The following CCSER1 variants were observed in gnomAD, a reference collection of about 807,000 sequenced individuals.
CCSER1 encodes serine-rich coiled-coil domain-containing protein 1.
In CCSER1, 41 loss-of-function variants were observed where a neutral mutation model predicts 82.0. That is an observed-to-expected ratio of 0.50 (90% confidence interval 0.39 to 0.65). The LOEUF (loss-of-function observed/expected upper bound fraction) is 0.65, where lower values mean the gene tolerates loss of function less well. Ranked by LOEUF, CCSER1 falls within the 30% of genes least tolerant of loss-of-function variation. CCSER1 has a pLI of 0.00. For missense variants in CCSER1, 1,119 were observed against 1,064.2 expected (o/e 1.05, Z -0.72); for synonymous variants, 414 against 383.9 (o/e 1.08, Z -0.92).
intron 4 of CCSER1, among the ~76,000 whole-genome samples, chr4:90,427,041 A>G (rs1009505877): frequency 6.6e-6 from 1 of 152,118 alleles, no homozygotes; most frequent in Non-Finnish European, 1.5e-5. Context: ...AAAAGTAAAT[A>G]CTTATCAAAG....
intron 5 of CCSER1, 30 bp downstream of exon 5, chr4:90,468,384 T>C (rs1257736723): frequency 1.9e-6 from 3 of 1,582,572 alleles, no homozygotes; most frequent in Non-Finnish European, 2.6e-6. Flanking sequence ...TTTCAAGGCC[T>C]TGTAAAATCA....
chr4:91,321,111 G>A (rs1290741817), intron 10 of CCSER1, among the ~76,000 whole-genome samples: 2 of 151,974 alleles, frequency 1.3e-5, no homozygotes, highest in African/African-American at 2.4e-5. Flanking sequence ...AATTTGATTT[G>A]AGACCCAAAA....
rs533071687 is a variant in CCSER1, at chr4:91,161,598, C to T, written c.2217+75604C>T. ...TTTCGTTGAGCAGTAGTTTGTAGTT[C>T]TCTTTGAAGAGGTCCTTCACATCCC... On this transcript the variant is annotated intron_variant, in intron 10 of 10. Transcript: ENST00000509176. Among the ~76,000 whole-genome samples, 57 of 152,134 alleles carry T rather than the reference C, an allele frequency of 3.7e-4. 1 individual carries two copies. The South Asian group carries it at 6.9e-3, about 18-fold the overall frequency.
intron 3 of CCSER1, among the ~76,000 whole-genome samples, chr4:90,397,301 T>G (rs1282450381): frequency 3.3e-5 from 5 of 152,340 alleles, no homozygotes; most frequent in Non-Finnish European, 7.4e-5. Context: ...AAATTTAGTT[T>G]GTTCACTTTA....
chr4:90,839,661 T>C (rs1041861184), intron 8 of CCSER1, among the ~76,000 whole-genome samples: 9 of 152,184 alleles, frequency 5.9e-5, no homozygotes, highest in African/African-American at 2.2e-4. Flanking sequence ...AAAGAGAGAC[T>C]ATTGGAAAGG....
chr4:91,095,708 T>C (rs1235103715), intron 10 of CCSER1, among the ~76,000 whole-genome samples: 1 of 152,182 alleles, frequency 6.6e-6, no homozygotes, highest in East Asian at 1.9e-4. Context: ...TTCCCTCCTT[T>C]CCTTGGATGA....
At chr4:91,589,029 A>G (rs751837843) in intron 10 of CCSER1, among the ~76,000 whole-genome samples, 2 of 151,844 alleles carry the variant, frequency 1.3e-5, no homozygotes, top group Non-Finnish European at 2.9e-5. Context: ...TGTTTGTACT[A>G]TCCTCCAAAA....
chr4:91,332,461 A>G (rs2149277814), intron 10 of CCSER1, among the ~76,000 whole-genome samples: 1 of 151,986 alleles, frequency 6.6e-6, no homozygotes, highest in Middle Eastern at 3.4e-3. Context: ...GGAATAATGG[A>G]AAATTGTCAT....
intron 1 of CCSER1, among the ~76,000 whole-genome samples, chr4:90,284,588 G>T (rs982395846): frequency 6.6e-6 from 1 of 151,500 alleles, no homozygotes; most frequent in Non-Finnish European, 1.5e-5. Context: ...CAGCCTCCTG[G>T]GCTTAAGCCA....
At chr4:90,367,019 A>G (rs1232740390) in intron 3 of CCSER1, among the ~76,000 whole-genome samples, 1 of 151,922 alleles carries the variant, frequency 6.6e-6, no homozygotes, top group Non-Finnish European at 1.5e-5. Flanking sequence ...ATCACTGTGG[A>G]AAGCCAATGA....
chr4:90,740,085 T>A (rs954679564), intron 7 of CCSER1, among the ~76,000 whole-genome samples: 2 of 152,194 alleles, frequency 1.3e-5, no homozygotes, highest in Non-Finnish European at 2.9e-5. Context: ...GCTATTTTAA[T>A]TTCCGTTAAG....
Position 90,271,889 on chromosome 4 carries a change from T to A in CCSER1, c.-41-36355T>A, listed in dbSNP as rs565962216. ...TTTTTTTTTTTTTTTTTTTTTTTTT[T>A]TAAAAGGAGGTTTAATTGACTCACA... is the stretch of plus-strand genomic sequence containing the variant. On this transcript the variant is annotated intron_variant, in intron 1 of 10. Coordinates refer to ENST00000509176, the MANE Select transcript of CCSER1 (RefSeq NM_001145065.2). Among the ~76,000 whole-genome samples the A allele has an allele frequency of 9.3e-5, 10 of 107,584 alleles. 2 individuals carry two copies. The highest frequency in any genetic ancestry group is 6.7e-4 in the South Asian group (2 of 2,980). The allele number at this position is 107,584 out of a possible 152,430, so 70.6% of individuals were successfully genotyped here. A position where few individuals can be genotyped will look rare whatever the true frequency, so the allele number is the denominator to read the frequency against.
intron 4 of CCSER1, among the ~76,000 whole-genome samples, chr4:90,458,882 C>G (rs753553243): frequency 6.6e-6 from 1 of 152,170 alleles, no homozygotes; most frequent in African/African-American, 2.4e-5. Flanking sequence ...AACCACTTAA[C>G]CTAGGTAGCA....
chr4:90,880,368 T>A (rs1433920551), intron 8 of CCSER1, among the ~76,000 whole-genome samples: 1 of 152,010 alleles, frequency 6.6e-6, no homozygotes, highest in Non-Finnish European at 1.5e-5. Flanking sequence ...CAGCCCAGGA[T>A]GGAGGGGCTA....
At chr4:90,409,041 C>A (rs777559127) in intron 4 of CCSER1, among the ~76,000 whole-genome samples, 6 of 151,604 alleles carry the variant, frequency 4.0e-5, no homozygotes, top group Non-Finnish European at 5.9e-5. Context: ...TGATGGAAGA[C>A]AAAATGAATG....
chr4:91,275,637 T>C (rs1208180446), intron 10 of CCSER1, among the ~76,000 whole-genome samples: 1 of 152,218 alleles, frequency 6.6e-6, no homozygotes, highest in African/African-American at 2.4e-5. Flanking sequence ...CTCTTCAGTC[T>C]GTTGACTGTT....
At chr4:91,103,818 A>G (rs995576263) in intron 10 of CCSER1, among the ~76,000 whole-genome samples, 20 of 152,162 alleles carry the variant, frequency 1.3e-4, no homozygotes, top group African/African-American at 4.6e-4. Context: ...TTTAGGGAAC[A>G]AGGAAAGACA....
At chr4:90,580,214 G>T (rs937977271) in intron 5 of CCSER1, among the ~76,000 whole-genome samples, 10 of 152,074 alleles carry the variant, frequency 6.6e-5, no homozygotes, top group Admixed American at 4.6e-4. Flanking sequence ...GATATTATCT[G>T]TGGAATTAAC....
intron 8 of CCSER1, among the ~76,000 whole-genome samples, chr4:90,856,632 A>G (rs1397421377): frequency 6.6e-6 from 1 of 152,176 alleles, no homozygotes; most frequent in Non-Finnish European, 1.5e-5. Flanking sequence ...ATTCTAGACT[A>G]AAAACAGAGT....
Sources: gnomAD v4.1 joint callset for allele counts (sites outside exome capture counted in the v4.1 genomes callset) on GRCh38, gnomAD v4.1.1 for gene constraint, MANE v1.5 for transcripts, NCBI Gene and HGNC (gene_info 2026-07-23, HGNC 2026-07-21) for gene names.